The following DIAPH2 variants were observed in gnomAD, a reference collection of about 807,000 sequenced individuals.
The protein encoded by DIAPH2 is diaphanous related formin 2, also known as protein diaphanous homolog 2.
In DIAPH2, 35 loss-of-function variants were observed where a neutral mutation model predicts 92.7. The observed-to-expected ratio is 0.38, with a 90% CI of 0.29 to 0.50. The LOEUF (loss-of-function observed/expected upper bound fraction) is 0.50. DIAPH2 is among the 20% of genes least tolerant of loss of function. DIAPH2 has a pLI of 0.94. For synonymous variants in DIAPH2, 301 were observed against 280.4 expected (o/e 1.07, Z -0.73); for missense variants, 701 against 819.5 (o/e 0.86, Z 1.77).
intron 23 of DIAPH2, among the ~76,000 whole-genome samples, chrX:97,258,434 C>T (rs1337495249): frequency 1.8e-5 from 2 of 110,095 alleles, no homozygotes; most frequent in Admixed American, 9.6e-5. Flanking sequence ...ATTAGCCAGG[C>T]GCGTGGCACG....
chrX:96,811,177 G>A (rs2064677137), intron 4 of DIAPH2, among the ~76,000 whole-genome samples: 1 of 111,452 alleles, frequency 9.0e-6, no homozygotes, highest in Non-Finnish European at 1.9e-5. Context: ...ATTTCTTTGT[G>A]TCCTCTTTTA....
chrX:96,704,592 G>C (rs768617983), intron 1 of DIAPH2, among the ~76,000 whole-genome samples: 65 of 111,403 alleles, frequency 5.8e-4, no homozygotes, highest in Non-Finnish European at 1.1e-3. Context: ...AAAAGGTTGG[G>C]GCTGATAGGA....
At chrX:97,030,755 T>A (rs2066368136) in intron 17 of DIAPH2, among the ~76,000 whole-genome samples, 1 of 111,811 alleles carries the variant, frequency 8.9e-6, no homozygotes, top group Admixed American at 9.5e-5. Context: ...CTGTCATCAG[T>A]TTCATTTTTA....
chrX:96,941,432 T>C (rs1236446451), intron 12 of DIAPH2, among the ~76,000 whole-genome samples: 1 of 111,942 alleles, frequency 8.9e-6, no homozygotes, highest in Non-Finnish European at 1.9e-5. Context: ...ATTGAAGCAA[T>C]AGCCATGCAT....
chrX:97,286,892 G>A (rs189408032), intron 23 of DIAPH2, among the ~76,000 whole-genome samples: 2 of 111,133 alleles, frequency 1.8e-5, no homozygotes, highest in East Asian at 2.8e-4. Context: ...CCTTCACTTC[G>A]CTCAACTTGA....
intron 17 of DIAPH2, among the ~76,000 whole-genome samples, chrX:97,015,317 A>T (rs1030242386): frequency 1.8e-5 from 2 of 111,804 alleles, no homozygotes; most frequent in Admixed American, 1.9e-4. Flanking sequence ...TTCATTTCTT[A>T]TCAGGTAAAT....
intron 5 of DIAPH2, among the ~76,000 whole-genome samples, chrX:96,911,425 A>G (rs1465028337): frequency 2.7e-5 from 3 of 110,917 alleles, no homozygotes; most frequent in Non-Finnish European, 5.7e-5. Flanking sequence ...CTACATTAGC[A>G]GTGTTTCAGC....
rs780352301 is a variant in DIAPH2, at chrX:96,781,954, T to C, written c.447+23696T>C. On this transcript the variant is annotated intron_variant, in intron 4 of 26. Coordinates refer to ENST00000324765, the MANE Select transcript of DIAPH2 (RefSeq NM_006729.5). Reference sequence around the variant, plus strand: ...AGACTTAAATTTCAAGAAATAAAATTAATACTGTTGAAAGAAGTGTAGAAA... The same window carrying C: ...AGACTTAAATTTCAAGAAATAAAATCAATACTGTTGAAAGAAGTGTAGAAA... 1.3e-3 allele frequency among the ~76,000 whole-genome samples: 141 copies of C among 111,731 alleles called. 1 individual carries two copies. Among genetic ancestry groups the C allele is most frequent in the African/African-American group, 4.2e-3 (128 of 30,838 alleles).
chrX:96,869,518 C>T (rs769857746), intron 4 of DIAPH2, among the ~76,000 whole-genome samples: 6 of 107,326 alleles, frequency 5.6e-5, no homozygotes, highest in South Asian at 8.4e-4. Context: ...GCCGAGATTC[C>T]GCCACTGCAC....
At chrX:97,204,744 GC>G (rs1159444972) in intron 22 of DIAPH2, among the ~76,000 whole-genome samples, 2 of 111,607 alleles carry the variant, frequency 1.8e-5, no homozygotes, top group African/African-American at 6.5e-5. Flanking sequence ...TGGCCATACT[GC>G]CCAAAGTAAT....
chrX:97,187,251 G>C (rs1036419632), intron 22 of DIAPH2, among the ~76,000 whole-genome samples: 1 of 97,775 alleles, frequency 1.0e-5, no homozygotes, highest in Non-Finnish European at 2.0e-5. Flanking sequence ...AAGGAGTAGG[G>C]ATTTAGGGAT....
At chrX:97,227,295 A>G (rs1164819017) in intron 22 of DIAPH2, among the ~76,000 whole-genome samples, 3 of 111,408 alleles carry the variant, frequency 2.7e-5, no homozygotes, top group African/African-American at 9.8e-5. Context: ...CACAAAATCA[A>G]TAAAGCAATG....
At chrX:97,105,516 AC>A (rs1304088721) in intron 20 of DIAPH2, among the ~76,000 whole-genome samples, 1 of 111,227 alleles carries the variant, frequency 9.0e-6, no homozygotes, top group Non-Finnish European at 1.9e-5. Context: ...TATGTGCTGT[AC>A]CTTTACTAGG....
intron 26 of DIAPH2, among the ~76,000 whole-genome samples, chrX:97,508,317 T>C (rs144284262): frequency 0.028 from 3,120 of 112,080 alleles, 102 homozygotes; most frequent in African/African-American, 0.097. Flanking sequence ...AACTGCTCAT[T>C]TCTTATTCCT....
chrX:97,188,459 T>C (rs1369751275), intron 22 of DIAPH2, among the ~76,000 whole-genome samples: 1 of 112,117 alleles, frequency 8.9e-6, no homozygotes, highest in African/African-American at 3.2e-5. Flanking sequence ...CGAATAGTCA[T>C]GAAGGTAAGG....
At chrX:97,114,656 T>C (rs1333767327) in intron 20 of DIAPH2, 70 bp from the exon 21 acceptor site, 4 of 940,787 alleles carry the variant, frequency 4.3e-6, no homozygotes, top group Non-Finnish European at 4.2e-6. Flanking sequence ...TCTATGAAAT[T>C]ATCCCCACTA....
chrX:97,180,208 G>A (rs1396912418), intron 22 of DIAPH2, among the ~76,000 whole-genome samples: 1 of 112,042 alleles, frequency 8.9e-6, no homozygotes, highest in Non-Finnish European at 1.9e-5. Flanking sequence ...TTTCTCCATA[G>A]CCTTGCCAAC....
At chrX:96,991,739 C>T (rs1339176965) in intron 17 of DIAPH2, among the ~76,000 whole-genome samples, 2 of 109,970 alleles carry the variant, frequency 1.8e-5, no homozygotes, top group Non-Finnish European at 3.8e-5. Flanking sequence ...TAGAGGTTAG[C>T]ACGTTATAAA....
At chrX:96,798,038 A>G (rs1217656968) in intron 4 of DIAPH2, among the ~76,000 whole-genome samples, 1 of 112,500 alleles carries the variant, frequency 8.9e-6, no homozygotes, top group African/African-American at 3.2e-5. Flanking sequence ...TTGGCTCTCC[A>G]TATCTGCGGG....
Sources: allele counts gnomAD v4.1 joint callset (sites outside exome capture counted in the v4.1 genomes callset), GRCh38; gene constraint gnomAD v4.1.1; transcripts MANE v1.5; gene names NCBI Gene and HGNC (gene_info 2026-07-23, HGNC 2026-07-21).